HPS3: variants seen among roughly 807,000 people sequenced by gnomAD.
HPS3 encodes HPS3 biogenesis of lysosomal organelles complex 2 subunit 1, also known as BLOC-2 complex member HPS3.
A neutral mutation model predicts 110.9 loss-of-function variants in HPS3; 79 were observed. That is an observed-to-expected ratio of 0.71 (90% CI 0.59 to 0.86). The LOEUF (loss-of-function observed/expected upper bound fraction) is 0.86. HPS3 is among the 40% of genes least tolerant of loss of function. The probability of loss-of-function intolerance (pLI) is 0.00; values close to 1 mark genes in which losing one functional copy is unlikely to be tolerated. For missense variants in HPS3, 1,197 were observed against 1,206.2 expected, an observed-to-expected ratio of 0.99 and a Z score of 0.11; for synonymous variants, 428 against 451.0, an observed-to-expected ratio of 0.95 and a Z score of 0.65.
chr3:149,149,680 C>T (rs994381280), intron 5 of HPS3, among the ~76,000 whole-genome samples: 1 of 151,782 alleles, frequency 6.6e-6, no homozygotes, highest in African/African-American at 2.4e-5. Flanking sequence ...TTTTACTTCT[C>T]CCACTTTCTA....
intron 16 of HPS3, among the ~76,000 whole-genome samples, chr3:149,171,142 G>A (rs1338450525): frequency 2.0e-5 from 3 of 152,124 alleles, no homozygotes; most frequent in East Asian, 3.9e-4. Context: ...GCTGGACGTG[G>A]TGGTGCGCAC....
At chr3:149,136,969 A>C (rs1182953089) in intron 1 of HPS3, among the ~76,000 whole-genome samples, 1 of 152,216 alleles carries the variant, frequency 6.6e-6, no homozygotes, top group Non-Finnish European at 1.5e-5. Flanking sequence ...AAAATAGATA[A>C]ACTAGACTTT....
intron 2 of HPS3, 87 bp downstream of exon 2, chr3:149,140,585 G>T: frequency 5.1e-6 from 7 of 1,382,938 alleles, no homozygotes; most frequent in Non-Finnish European, 7.1e-6. Context: ...GGTATATATG[G>T]TGCCCGGCCA....
At chr3:149,163,817 T>G (rs1264022632) in intron 13 of HPS3, 25 bp from the exon 14 acceptor site, 1 of 1,234,688 alleles carries the variant, frequency 8.1e-7, no homozygotes, top group Admixed American at 1.7e-5. Flanking sequence ...ATATTTTGTT[T>G]ATGAGAAATT....
rs72453449 is a variant in HPS3, at chr3:149,172,318, T to TCTCTCA, written c.*97_*98insTCTCAC. The TCTCTCA allele has an allele frequency of 9.6e-5, 55 of 571,936 alleles. No individual in the cohort carries two copies. The highest frequency in any genetic ancestry group is 1.6e-4 in the Admixed American group (7 of 42,772). 35.4% of individuals were successfully genotyped at this position (571,936 alleles called of 1,614,324 possible). A position where few individuals can be genotyped will look rare whatever the true frequency, so the allele number is the denominator to read the frequency against. ...GTAGAGGAGTTTTTTATTTTATATA[T>TCTCTCA]CACACACACACACACACACACACAC... On this transcript the variant is annotated 3_prime_UTR_variant, in exon 17 of 17. Coordinates refer to ENST00000296051, the MANE Select transcript of HPS3 (RefSeq NM_032383.5).
At position 149,141,386 on chromosome 3, in the gene HPS3, C is replaced by T; in HGVS notation, c.970+6C>T. The T allele has an allele frequency of 6.2e-7, 1 of 1,606,704 alleles. No homozygotes were observed. Among genetic ancestry groups the T allele is most frequent in the Non-Finnish European group, 8.5e-7 (1 of 1,173,268 alleles). ...GCTACCCATTTACCAGACCGGTAAG[C>T]ATGACAGTGCAGGAGTGCGACAGTG... On this transcript the variant is annotated splice_donor_region_variant and intron_variant, in intron 4 of 16. Coordinates refer to ENST00000296051, the MANE Select transcript of HPS3 (RefSeq NM_032383.5).
In HPS3 at chr3:149,141,283, T is replaced by G. The variant is rs1559909648; in HGVS notation, c.885-12T>G. On this transcript the variant is annotated splice_polypyrimidine_tract_variant and intron_variant, in intron 3 of 16. Transcript: ENST00000296051. ...TATATTTTTCCCTTTCTCTGTCTTT[T>G]TAAACCCACAGACGTTTTGCTCCTG... The G allele has an allele frequency of 1.2e-5, 20 of 1,613,582 alleles. No homozygotes were observed. Among genetic ancestry groups the G allele is most frequent in the Non-Finnish European group, 1.7e-5 (20 of 1,179,602 alleles).
chr3:149,147,707 G>A (rs1318707488), intron 5 of HPS3, among the ~76,000 whole-genome samples: 1 of 152,152 alleles, frequency 6.6e-6, no homozygotes, highest in Non-Finnish European at 1.5e-5. Context: ...GGTTTGAATG[G>A]ACTTGTAATG....
chr3:149,140,752 A>G (rs1037509423), intron 2 of HPS3, among the ~76,000 whole-genome samples: 1 of 152,144 alleles, frequency 6.6e-6, no homozygotes, highest in African/African-American at 2.4e-5. Flanking sequence ...CCTCATAGTT[A>G]CTAGTTGAAT....
At chr3:149,171,244 C>G (rs1462008548) in intron 16 of HPS3, among the ~76,000 whole-genome samples, 1 of 151,722 alleles carries the variant, frequency 6.6e-6, no homozygotes, top group East Asian at 1.9e-4. Context: ...CACCACTGCA[C>G]TCCAGCATGG....
intron 15 of HPS3, among the ~76,000 whole-genome samples, chr3:149,167,592 T>A (rs1559927414): frequency 6.6e-6 from 1 of 152,198 alleles, no homozygotes; most frequent in Admixed American, 6.5e-5. Flanking sequence ...TTTTTCTTCA[T>A]TCCTTCCTTC....
chr3:149,154,493 A>G (rs938599534), intron 7 of HPS3, among the ~76,000 whole-genome samples: 3 of 152,206 alleles, frequency 2.0e-5, no homozygotes, highest in Non-Finnish European at 4.4e-5. Flanking sequence ...GGGAGAGGAA[A>G]AGCAGTTTGT....
At chr3:149,132,472 G>T (rs529579216) in intron 1 of HPS3, among the ~76,000 whole-genome samples, 1 of 152,302 alleles carries the variant, frequency 6.6e-6, no homozygotes, top group South Asian at 2.1e-4. Flanking sequence ...ATTGTTTACT[G>T]AATATTTTAA....
In HPS3 at chr3:149,129,870, G is replaced by T. The variant is rs1176485715; in HGVS notation, c.147G>T (p.Gln49His). 1.3e-6 allele frequency: 2 copies of T among 1,597,058 alleles called. No homozygotes were observed. Among genetic ancestry groups the T allele is most frequent in the East Asian group, 2.3e-5 (1 of 44,396 alleles). The change falls in exon 1 of 17, where the codon CAG becomes CAT. Residue 49 changes from glutamine to histidine, a missense_variant. Coordinates refer to ENST00000296051, the MANE Select transcript of HPS3 (RefSeq NM_032383.5). Reference protein sequence around the residue: ...CKVEAFAVAGQELCQPRCAFS... With the variant: ...CKVEAFAVAGHELCQPRCAFS... ...TGGAGGCGTTCGCGGTGGCCGGCCA[G>T]GAGCTGTGCCAGCCGCGGTGCGCCT...
intron 5 of HPS3, among the ~76,000 whole-genome samples, chr3:149,148,343 G>A (rs977321529): frequency 6.7e-6 from 1 of 150,140 alleles, no homozygotes; most frequent in Non-Finnish European, 1.5e-5. Context: ...ATAGAAACGT[G>A]TAAGTAGGAA....
intron 4 of HPS3, among the ~76,000 whole-genome samples, chr3:149,142,298 A>G (rs900984712): frequency 1.3e-5 from 2 of 152,232 alleles, no homozygotes; most frequent in East Asian, 3.8e-4. Flanking sequence ...GTTAGAGCCA[A>G]GGTATGTGTG....
At chr3:149,171,769 A>G (rs1313394334) in intron 16 of HPS3, among the ~76,000 whole-genome samples, 1 of 144,832 alleles carries the variant, frequency 6.9e-6, no homozygotes, top group Non-Finnish European at 1.5e-5. Context: ...CAGTGGTGCA[A>G]TCTCAACTCA....
chr3:149,152,359 TA>T (rs1723181036), intron 6 of HPS3, among the ~76,000 whole-genome samples: 1 of 151,938 alleles, frequency 6.6e-6, no homozygotes, highest in South Asian at 2.1e-4. Context: ...GGAAAAAAAA[TA>T]ATTCCATGTA....
In HPS3 at chr3:149,155,126, G is replaced by T; in HGVS notation, c.1420G>T (p.Val474Phe). 6.2e-7 allele frequency: 1 copy of T among 1,603,206 alleles called. No homozygotes were observed. Among genetic ancestry groups the T allele is most frequent in the Non-Finnish European group, 8.5e-7 (1 of 1,170,178 alleles). Residue 474 changes from valine to phenylalanine, a missense_variant, in exon 8 of 17, where the codon GTT (valine) becomes TTT (phenylalanine). Val to Phe is a conservative substitution (Grantham distance 50). Coordinates refer to ENST00000296051, the MANE Select transcript of HPS3 (RefSeq NM_032383.5). ...TTTTAGTTCGAGAAAAGATACCAGT[G>T]TTAAAATCAAAATACCTCCTGTAGC... ...KRLLSRKDTSVKIKIPPVAEA... is the reference protein window; with the variant it reads ...KRLLSRKDTSFKIKIPPVAEA...
Sources: allele counts gnomAD v4.1 joint callset (sites outside exome capture counted in the v4.1 genomes callset), GRCh38; gene constraint gnomAD v4.1.1; transcripts MANE v1.5; gene names NCBI Gene and HGNC (gene_info 2026-07-23, HGNC 2026-07-21).